Variants in PPP3CC observed in about 807,000 individuals in gnomAD.
The protein encoded by PPP3CC is protein phosphatase 3 catalytic subunit gamma, also known as serine/threonine-protein phosphatase 2B catalytic subunit gamma isoform.
PPP3CC carries 35 observed loss-of-function variants against 60.3 expected under a neutral mutation model. The observed-to-expected ratio is 0.58, with a 90% CI of 0.44 to 0.77. The LOEUF is 0.77. Ranked by LOEUF, PPP3CC falls within the 30% of genes least tolerant of loss-of-function variation. The pLI is 0.00. For missense variants in PPP3CC, 570 were observed against 628.9 expected, an observed-to-expected ratio of 0.91 and a Z score of 1.00; for synonymous variants, 206 against 224.3, an observed-to-expected ratio of 0.92 and a Z score of 0.73.
At chr8:22,491,883 A>G (rs1448534108) in intron 3 of PPP3CC, among the ~76,000 whole-genome samples, 1 of 152,198 alleles carries the variant, frequency 6.6e-6, no homozygotes, top group African/African-American at 2.4e-5. Context: ...AAGAACGTAT[A>G]TTCTCTACTT....
At chr8:22,496,958 CTT>C (rs1838607070) in intron 3 of PPP3CC, among the ~76,000 whole-genome samples, 1 of 152,040 alleles carries the variant, frequency 6.6e-6, no homozygotes, top group South Asian at 2.1e-4. Flanking sequence ...CTTTAGGCCT[CTT>C]TGTTGCTGTT....
chr8:22,478,581 A>T (rs760068440), intron 3 of PPP3CC, among the ~76,000 whole-genome samples: 1 of 152,190 alleles, frequency 6.6e-6, no homozygotes, highest in Non-Finnish European at 1.5e-5. Flanking sequence ...ATCAACAATG[A>T]TTTTGTGCAC....
Position 22,446,687 on chromosome 8 carries a change from T to C in PPP3CC, c.49+5229T>C, listed in dbSNP as rs556667114. Among the ~76,000 whole-genome samples the C allele has an allele frequency of 1.1e-4, 17 of 151,816 alleles. No individual in the cohort carries two copies. In the East Asian group the frequency reaches 3.1e-3, roughly 28 times the overall value. ...TAGGCATGGTGGTGCACACCTGTAG[T>C]CCCAGCTACTTAGGAGGCTGAGGTA... On this transcript the variant is annotated intron_variant, in intron 1 of 13. Transcript: ENST00000240139.
At chr8:22,521,988 A>T in intron 6 of PPP3CC, among the ~76,000 whole-genome samples, 1 of 151,268 alleles carries the variant, frequency 6.6e-6, no homozygotes. Flanking sequence ...ACCTATATAT[A>T]TACATATATA....
intron 5 of PPP3CC, 68 bp downstream of exon 5, chr8:22,511,299 GTTTGC>G: frequency 6.7e-7 from 1 of 1,498,004 alleles, no homozygotes. Context: ...TGTTGTTGTT[GTTTGC>G]TTTGAGACAG....
At chr8:22,445,594 T>C (rs1836796995) in intron 1 of PPP3CC, among the ~76,000 whole-genome samples, 1 of 152,164 alleles carries the variant, frequency 6.6e-6, no homozygotes, top group Non-Finnish European at 1.5e-5. Context: ...AACATAAATA[T>C]TGTAATTTTA....
chr8:22,478,401 T>A (rs1563715176), intron 3 of PPP3CC, among the ~76,000 whole-genome samples: 1 of 152,138 alleles, frequency 6.6e-6, no homozygotes. Context: ...CCACCCACCT[T>A]GGCCTTCCAA....
In PPP3CC at chr8:22,499,544, C is replaced by A. The variant is rs536832255; in HGVS notation, c.484+1432C>A. On this transcript the variant is annotated intron_variant, in intron 4 of 13. Coordinates refer to ENST00000240139, the MANE Select transcript of PPP3CC (RefSeq NM_005605.5). ...GGCTGAGGCTAGACGATCCCTTCAGCCCAGGAGTTCTACACCAGCCTTGGC... is the reference window on the plus strand; with the variant it reads ...GGCTGAGGCTAGACGATCCCTTCAGACCAGGAGTTCTACACCAGCCTTGGC... Among the ~76,000 whole-genome samples, 3 of 152,264 alleles carry A rather than the reference C, an allele frequency of 2.0e-5. No individual in the cohort carries two copies. The East Asian group carries it at 5.8e-4, about 29-fold the overall frequency.
chr8:22,525,669 C>A (rs2449350), intron 8 of PPP3CC, among the ~76,000 whole-genome samples: 70,515 of 151,206 alleles, frequency 0.47, 16,541 homozygotes, highest in East Asian at 0.59. Flanking sequence ...GTGATCCTCC[C>A]ACCTCAGCCT....
intron 3 of PPP3CC, among the ~76,000 whole-genome samples, chr8:22,493,905 A>G (rs1172150314): frequency 6.6e-6 from 1 of 152,182 alleles, no homozygotes; most frequent in East Asian, 1.9e-4. Context: ...TGTATGTGCT[A>G]TACTTTTATA....
At chr8:22,536,108 G>A (rs907246045) in intron 12 of PPP3CC, among the ~76,000 whole-genome samples, 10 of 152,206 alleles carry the variant, frequency 6.6e-5, no homozygotes. Flanking sequence ...CAGCTATTTA[G>A]AAGGAAGTCT....
At position 22,513,363 on chromosome 8, in the gene PPP3CC, A is replaced by AT; in HGVS notation, c.703dup (p.Tyr235LeufsTer4). On this transcript the variant is annotated frameshift_variant, in exon 6 of 14. Transcript: ENST00000240139. LOFTEE classifies it high-confidence loss of function. ...CTGCTTTGGTCTGATCCCTCAGAGG[A>AT]TTATGGCAATGAGAAGACCTTGGAG... The AT allele has an allele frequency of 6.2e-7, 1 of 1,613,860 alleles. No homozygotes were observed. The highest frequency in any genetic ancestry group is 8.5e-7 in the Non-Finnish European group (1 of 1,179,918).
chr8:22,511,199 C>G lies in PPP3CC; in HGVS notation c.598C>G (p.Pro200Ala), dbSNP rs768601864. The G allele has an allele frequency of 1.2e-6, 2 of 1,613,302 alleles. No individual in the cohort carries two copies. Among genetic ancestry groups the G allele is most frequent in the South Asian group, 2.2e-5 (2 of 91,052 alleles). ...TCTCTGTGTACATGGAGGAATGTCA[C>G]CTGAAATTACTTCTTTAGATGACAT... is the stretch of plus-strand genomic sequence containing the variant. The part of the protein sequence containing the change: ...QFLCVHGGMS[P>A]EITSLDDIRK... Residue 200 changes from proline (P) to alanine (A), a missense_variant, in exon 5 of 14, where the codon CCT becomes GCT. Transcript: ENST00000240139.
chr8:22,522,846 C>G lies in PPP3CC; in HGVS notation c.943+97C>G, dbSNP rs1839444926. ...TATGTGTGTTTGTGTCATTTTAAAA[C>G]ATAAATTTTAAATAAGAAAAAAAGG... is the stretch of plus-strand genomic sequence containing the variant. On this transcript the variant is annotated intron_variant, in intron 8 of 13. Transcript: ENST00000240139. The G allele has an allele frequency of 3.3e-6, 3 of 909,952 alleles. No homozygotes were observed. The South Asian group carries it at 5.6e-5, about 17-fold the overall frequency. 56.4% of individuals were successfully genotyped at this position (909,952 alleles called of 1,614,324 possible).
At chr8:22,475,361 G>A (rs1021300817) in intron 2 of PPP3CC, 139 bp from the exon 3 acceptor site, 4 of 1,063,624 alleles carry the variant, frequency 3.8e-6, no homozygotes, top group Non-Finnish European at 5.4e-6. Context: ...AGTATGAGTA[G>A]ATTGACTACA....
rs760753352 is a variant in PPP3CC at position 22,441,431 on chromosome 8, C to T, written c.22C>T (p.Leu8Phe). 19 of 1,546,152 alleles carry T rather than the reference C, an allele frequency of 1.2e-5. No individual in the cohort carries two copies. The African/African-American group carries it at 2.1e-4, about 17-fold the overall frequency. The change falls in exon 1 of 14, where the codon CTC becomes TTC. Residue 8 changes from leucine (L) to phenylalanine (F), a missense_variant. Leu to Phe is a conservative substitution (Grantham distance 22, BLOSUM62 0). Coordinates refer to ENST00000240139, the MANE Select transcript of PPP3CC (RefSeq NM_005605.5). MSGRRFH[L>F]STTDRVIKAV... ...GACCATGTCCGGGAGGCGCTTCCAC[C>T]TCTCCACCACCGACCGCGTCATCAA... is the stretch of plus-strand genomic sequence containing the variant.
intron 1 of PPP3CC, among the ~76,000 whole-genome samples, chr8:22,461,538 T>G (rs1563687736): frequency 2.0e-5 from 3 of 152,138 alleles, no homozygotes; most frequent in Non-Finnish European, 2.9e-5. Flanking sequence ...TTAAAAGGTA[T>G]GTGGTAAAAA....
At chr8:22,460,990 T>G (rs1223821594) in intron 1 of PPP3CC, among the ~76,000 whole-genome samples, 1 of 151,980 alleles carries the variant, frequency 6.6e-6, no homozygotes, top group Non-Finnish European at 1.5e-5. Context: ...GAACTACAGG[T>G]GTCTACCACC....
Position 22,513,298 on chromosome 8 carries a change from C to T in PPP3CC, c.636C>T (p.Asp212=). ...ITSLDDIRKL[D]RFTEPPAFGP... Reference sequence around the variant, plus strand: ...GGCTTTTGTGTGTCTTCTAGTTAGACAGGTTTACGGAACCTCCCGCCTTTG... The same window carrying T: ...GGCTTTTGTGTGTCTTCTAGTTAGATAGGTTTACGGAACCTCCCGCCTTTG... Residue 212 remains aspartate (D), a synonymous_variant, in exon 6 of 14, where the codon GAC becomes GAT. Transcript: ENST00000240139. 1 of 1,609,894 alleles carries T rather than the reference C, an allele frequency of 6.2e-7. No homozygotes were observed. The highest frequency in any genetic ancestry group is 8.5e-7 in the Non-Finnish European group (1 of 1,178,748).
Sources: allele counts gnomAD v4.1 joint callset (sites outside exome capture counted in the v4.1 genomes callset), GRCh38; gene constraint gnomAD v4.1.1; transcripts MANE v1.5; gene names NCBI Gene and HGNC (gene_info 2026-07-23, HGNC 2026-07-21).